Variants in DTX2 observed in about 807,000 individuals in gnomAD.
The protein encoded by DTX2 is probable E3 ubiquitin-protein ligase DTX2.
DTX2 carries 29 observed loss-of-function variants against 55.3 expected under a neutral mutation model. That is an observed-to-expected ratio of 0.52 (90% CI 0.39 to 0.71). DTX2 has a LOEUF of 0.71. Ranked by LOEUF, DTX2 falls within the 30% of genes least tolerant of loss-of-function variation. The pLI is 0.00. For synonymous variants in DTX2, 276 were observed against 340.4 expected, an observed-to-expected ratio of 0.81 and a Z score of 2.08; for missense variants, 537 against 822.5, an observed-to-expected ratio of 0.65 and a Z score of 4.25.
chr7:76,471,622 G>A (rs376648361), intron 2 of DTX2, among the ~76,000 whole-genome samples: 1,334 of 114,254 alleles, frequency 0.012, no homozygotes, highest in Non-Finnish European at 0.013. Flanking sequence ...TTGAACCCCT[G>A]GGCTCAAAGC....
At position 76,473,045 on chromosome 7, in the gene DTX2, G is replaced by C. The variant is rs1584140277; in HGVS notation, c.-89-7376G>C. Among the ~76,000 whole-genome samples, 4 of 152,022 alleles carry C rather than the reference G, an allele frequency of 2.6e-5. 1 individual carries two copies. Among genetic ancestry groups the C allele is most frequent in the Admixed American group, 2.6e-4 (4 of 15,278 alleles). ...GGGGTCTCTCTGTGTTGCCCAGGCT[G>C]GTCTTGACCTCCTGGCCTCAAGCAA... On this transcript the variant is annotated intron_variant, in intron 2 of 10. Transcript: ENST00000430490.
chr7:76,489,875 A>C (rs1373811174), intron 4 of DTX2, among the ~76,000 whole-genome samples: 1 of 139,448 alleles, frequency 7.2e-6, no homozygotes, highest in Non-Finnish European at 1.6e-5. Flanking sequence ...GTAGGGAACA[A>C]AACCCTCATA....
rs182742366 is a variant in DTX2 at position 76,494,771 on chromosome 7, C to T, written c.1009+2518C>T. Reference sequence around the variant, plus strand: ...AGCCTGGAGGCTGTGTAGACTCCTGCCTCCCCCAATTCAAGGCCCAGTGTT... The same window carrying T: ...AGCCTGGAGGCTGTGTAGACTCCTGTCTCCCCCAATTCAAGGCCCAGTGTT... On this transcript the variant is annotated intron_variant, in intron 5 of 10. Coordinates refer to ENST00000430490, the MANE Select transcript of DTX2 (RefSeq NM_001102594.3). Among the ~76,000 whole-genome samples the T allele has an allele frequency of 2.3e-3, 290 of 126,818 alleles. 3 individuals carry two copies. The highest frequency in any genetic ancestry group is 4.7e-3 in the Middle Eastern group (1 of 212). 83.2% of individuals were successfully genotyped at this position (126,818 alleles called of 152,430 possible).
In DTX2 at chr7:76,482,847, G is replaced by C; in HGVS notation, c.608G>C (p.Ser203Thr). 6.2e-7 allele frequency: 1 copy of C among 1,613,762 alleles called. No individual in the cohort carries two copies. The highest frequency in any genetic ancestry group is 8.5e-7 in the Non-Finnish European group (1 of 1,179,718). Residue 203 changes from serine (S) to threonine (T), a missense_variant, in exon 4 of 11, where the codon AGT (serine) becomes ACT (threonine). Ser to Thr is a moderately conservative substitution (Grantham distance 58). Around this residue, in one of 7 missense-constraint regions of DTX2, gnomAD observed 301 missense variants for 396.6 expected, o/e 0.76. Transcript: ENST00000430490. ...GVACSCHQCL[S>T]GSRTGPVSGR... The stretch of plus-strand genomic sequence containing the variant: ...GCCTGCTCTTGCCACCAGTGCCTCA[G>C]TGGCAGCAGAACTGGCCCCGTGTCA...
At position 76,464,715 on chromosome 7, in the gene DTX2, T is replaced by A. The variant is rs2690601; in HGVS notation, c.-90+1006T>A. Among the ~76,000 whole-genome samples, 1,313 of 134,936 alleles carry A rather than the reference T, an allele frequency of 9.7e-3. 1 individual carries two copies. The highest frequency in any genetic ancestry group is 0.032 in the African/African-American group (1,100 of 34,740). 88.5% of individuals were successfully genotyped at this position (134,936 alleles called of 152,430 possible). A position where few individuals can be genotyped will look rare whatever the true frequency, so the allele number is the denominator to read the frequency against. ...CCTGGCCTCGTGAGGGACATTTTAA[T>A]GGAGCACACTGGAACATGTGGAATG... On this transcript the variant is annotated intron_variant, in intron 2 of 10. Coordinates refer to ENST00000430490, the MANE Select transcript of DTX2 (RefSeq NM_001102594.3).
chr7:76,491,563 G>A (rs1248238922), intron 4 of DTX2, among the ~76,000 whole-genome samples: 6 of 89,276 alleles, frequency 6.7e-5, no homozygotes, highest in African/African-American at 2.8e-4. Context: ...GATTTCAGGC[G>A]TGAGCCACCA....
At chr7:76,467,023 C>T (rs1370853714) in intron 2 of DTX2, among the ~76,000 whole-genome samples, 1 of 152,068 alleles carries the variant, frequency 6.6e-6, no homozygotes, top group Non-Finnish European at 1.5e-5. Flanking sequence ...CCTTCAGCCT[C>T]CTGAATAGCT....
intron 5 of DTX2, among the ~76,000 whole-genome samples, chr7:76,495,216 G>T (rs1466601056): frequency 6.8e-6 from 1 of 146,496 alleles, no homozygotes; most frequent in African/African-American, 2.5e-5. Flanking sequence ...GCCCAGGACT[G>T]CTCAGCTGGT....
intron 2 of DTX2, among the ~76,000 whole-genome samples, chr7:76,472,412 C>T (rs145091528): frequency 8.1e-3 from 1,041 of 128,372 alleles, no homozygotes; most frequent in Admixed American, 0.057. Flanking sequence ...CTGCAACCTC[C>T]GCCTCCTGGG....
At chr7:76,495,583 G>A (rs1265744655) in intron 5 of DTX2, among the ~76,000 whole-genome samples, 2 of 149,130 alleles carry the variant, frequency 1.3e-5, no homozygotes, top group East Asian at 4.1e-4. Context: ...TCACTCATGC[G>A]GCCTCCTGGG....
intron 2 of DTX2, among the ~76,000 whole-genome samples, chr7:76,476,423 CCTT>C (rs2116312528): frequency 6.6e-6 from 1 of 151,496 alleles, no homozygotes; most frequent in Non-Finnish European, 1.5e-5. Flanking sequence ...GCTCACCCCT[CCTT>C]TGGTGTTTCA....
In DTX2 at chr7:76,475,553, G is replaced by C. The variant is rs561266344; in HGVS notation, c.-89-4868G>C. Among the ~76,000 whole-genome samples, 568 of 144,940 alleles carry C rather than the reference G, an allele frequency of 3.9e-3. 4 individuals carry two copies. Among genetic ancestry groups the C allele is most frequent in the African/African-American group, 0.014 (537 of 39,322 alleles). ...AATACAAAAATTAGCCAGGCGTAGTGGTGCGTGCCTGTAATCCCAACTACT... is the reference window on the plus strand; with the variant it reads ...AATACAAAAATTAGCCAGGCGTAGTCGTGCGTGCCTGTAATCCCAACTACT... On this transcript the variant is annotated intron_variant, in intron 2 of 10. Coordinates refer to ENST00000430490, the MANE Select transcript of DTX2 (RefSeq NM_001102594.3).
In DTX2 at chr7:76,480,494, G is replaced by A. The variant is rs765119620; in HGVS notation, c.-16G>A. ...GTCTGAAGCTGTTTGGGAAAGCAGC[G>A]GGACTCCTTGGGAAGATGGCCATGG... On this transcript the variant is annotated 5_prime_UTR_variant, in exon 3 of 11. Transcript: ENST00000430490. 12 of 1,557,736 alleles carry A rather than the reference G, an allele frequency of 7.7e-6. 1 individual carries two copies. The highest frequency in any genetic ancestry group is 7.3e-5 in the South Asian group (6 of 82,652).
In DTX2 at chr7:76,482,794, C is replaced by A. The variant is rs143776913; in HGVS notation, c.555C>A (p.Ile185=). The change falls in exon 4 of 11, where the codon ATC becomes ATA. Residue 185 remains isoleucine (I), a synonymous_variant. Transcript: ENST00000430490. ...QAGPPYPVTT[I]IAPPGHTGVA... ...GGCCGCCTTACCCGGTGACCACCAT[C>A]ATCGCTCCGCCGGGCCACACAGGCG... 1.6e-3 allele frequency: 2,521 copies of A among 1,613,834 alleles called. 3 individuals are homozygous for A. The highest frequency in any genetic ancestry group is 2.8e-3 in the Admixed American group (171 of 60,006).
intron 3 of DTX2, among the ~76,000 whole-genome samples, chr7:76,481,848 G>GTGTT (rs66658628): frequency 4.1e-5 from 6 of 145,288 alleles, no homozygotes; most frequent in Non-Finnish European, 3.0e-5. Flanking sequence ...TTTTTTTTTC[G>GTGTT]TGTTTGTTTG....
chr7:76,499,941 C>G (rs1222181755), intron 6 of DTX2: 14 of 349,168 alleles, frequency 4.0e-5, no homozygotes, highest in Non-Finnish European at 1.7e-5. Flanking sequence ...GGGACAGTGT[C>G]TGTGTGGCGG....
In DTX2 at chr7:76,482,785, G is replaced by T; in HGVS notation, c.546G>T (p.Val182=). 6.2e-6 allele frequency: 10 copies of T among 1,613,848 alleles called. No homozygotes were observed. Among genetic ancestry groups the T allele is most frequent in the Non-Finnish European group, 8.5e-6 (10 of 1,179,830 alleles). The change falls in exon 4 of 11, where the codon GTG becomes GTT. Residue 182 remains valine, a synonymous_variant. Transcript: ENST00000430490. ...VRRQAGPPYP[V]TTIIAPPGHT... ...GCCAAGCAGGGCCGCCTTACCCGGT[G>T]ACCACCATCATCGCTCCGCCGGGCC...
intron 2 of DTX2, among the ~76,000 whole-genome samples, chr7:76,471,456 C>T (rs1807906811): frequency 6.6e-6 from 1 of 150,836 alleles, no homozygotes; most frequent in African/African-American, 2.5e-5. Flanking sequence ...CCACCGCGCC[C>T]AGCCTGGTTT....
At chr7:76,473,946 A>T (rs1584143285) in intron 2 of DTX2, among the ~76,000 whole-genome samples, 2 of 101,870 alleles carry the variant, frequency 2.0e-5, no homozygotes, top group Admixed American at 1.2e-4. Context: ...TTTGAGACTG[A>T]GTTTCACTCT....
Sources: allele counts gnomAD v4.1 joint callset (sites outside exome capture counted in the v4.1 genomes callset), GRCh38; gene constraint gnomAD v4.1.1; regional missense constraint gnomAD v4.1.1; transcripts MANE v1.5; gene names NCBI Gene and HGNC (gene_info 2026-07-23, HGNC 2026-07-21).